INTS6: variants seen among roughly 807,000 people sequenced by gnomAD.
The protein encoded by INTS6 is integrator complex subunit 6, also known as DEAD box protein.
Under a neutral mutation model 104.9 loss-of-function variants are expected in INTS6, and 16 were observed. The observed-to-expected ratio is 0.15, with a 90% confidence interval of 0.10 to 0.23. The LOEUF (loss-of-function observed/expected upper bound fraction) is 0.23. Among genes scored for constraint, INTS6 ranks in the 10% least tolerant of loss-of-function variants. The probability of loss-of-function intolerance (pLI) is 1.00; values close to 1 mark genes in which losing one functional copy is unlikely to be tolerated. For missense variants in INTS6, 584 were observed against 1,062.8 expected (o/e 0.55, Z 6.26); for synonymous variants, 324 against 358.7 (o/e 0.90, Z 1.09).
At chr13:51,450,638 T>C in intron 3 of INTS6, 1 of 987,652 alleles carries the variant, frequency 1.0e-6, no homozygotes, top group South Asian at 4.7e-5. Flanking sequence ...TCCTCTAACA[T>C]CTTTACTAAT....
chr13:51,388,368 G>GTGTTTT (rs1344133694), intron 6 of INTS6, among the ~76,000 whole-genome samples: 4 of 148,488 alleles, frequency 2.7e-5, no homozygotes, highest in African/African-American at 4.9e-5. Context: ...GTGTGTGTGT[G>GTGTTTT]TTTTGTTTTT....
intron 5 of INTS6, among the ~76,000 whole-genome samples, chr13:51,392,359 T>A (rs1956258853): frequency 6.6e-6 from 1 of 152,230 alleles, no homozygotes; most frequent in Admixed American, 6.5e-5. Context: ...CCAGCCTTCC[T>A]GTTGCTTCCA....
At chr13:51,400,530 G>T (rs1235871567) in intron 4 of INTS6, among the ~76,000 whole-genome samples, 1 of 152,086 alleles carries the variant, frequency 6.6e-6, no homozygotes, top group Non-Finnish European at 1.5e-5. Context: ...TTTCCCAAAT[G>T]GATATCCAAT....
intron 3 of INTS6, chr13:51,446,386 T>G (rs926817245): frequency 1.3e-5 from 2 of 152,126 alleles, no homozygotes; most frequent in African/African-American, 4.8e-5. Context: ...GGATGGCTAA[T>G]GTCAAAGTAA....
In INTS6 at chr13:51,430,311, T is replaced by C. The variant is rs1232618816; in HGVS notation, c.412A>G (p.Ser138Gly). ...CAACTTACCTCATCCTGGACTCCACTGGTGGTAGTCAACTTGCTCCCATCA... is the reference window on the plus strand; with the variant it reads ...CAACTTACCTCATCCTGGACTCCACCGGTGGTAGTCAACTTGCTCCCATCA... ...ITDGSKLTTT[S>G]GVQDELHLPL... is the part of the protein sequence containing the mutation. The change falls in exon 4 of 18, where the codon AGT (serine) becomes GGT (glycine). Residue 138 changes from serine to glycine, a missense_variant. Coordinates refer to ENST00000311234, the MANE Select transcript of INTS6 (RefSeq NM_012141.3). 3 of 1,613,056 alleles carry C rather than the reference T, an allele frequency of 1.9e-6. No individual in the cohort carries two copies. Among genetic ancestry groups the C allele is most frequent in the East Asian group, 2.2e-5 (1 of 44,840 alleles).
At chr13:51,350,509 A>ATATATATATATATTTTAAGAAG (rs1955394037), downstream of INTS6, among the ~76,000 whole-genome samples, 1 of 152,176 alleles carries the variant, frequency 6.6e-6, no homozygotes, top group Non-Finnish European at 1.5e-5. Flanking sequence ...TATTAGATAT[A>ATATATATATATATTTTAAGAAG]ATATATATCT....
chr13:51,365,802 C>T lies in INTS6; in HGVS notation c.2614G>A (p.Asp872Asn). ...MLIEQLENFL[D>N]EIHRRANQIN... ...TGATTGGCTCTTCGATGAATTTCAT[C>T]CAAGAAGTTCTCCAGTTGTTCTATT... is the stretch of plus-strand genomic sequence containing the variant. The change falls in exon 18 of 18, where the codon GAT becomes AAT. Residue 872 changes from aspartate (D) to asparagine (N), a missense_variant. Asp to Asn is a conservative substitution (Grantham distance 23, BLOSUM62 1). This residue lies in a region of INTS6 where 296 missense variants were observed against 437.0 expected (regional missense o/e 0.68). Coordinates refer to ENST00000311234, the MANE Select transcript of INTS6 (RefSeq NM_012141.3). The T allele has an allele frequency of 6.2e-7, 1 of 1,602,440 alleles. No homozygotes were observed. The highest frequency in any genetic ancestry group is 8.5e-7 in the Non-Finnish European group (1 of 1,174,744).
At chr13:51,405,885 A>G (rs936363481) in intron 4 of INTS6, among the ~76,000 whole-genome samples, 6 of 152,218 alleles carry the variant, frequency 3.9e-5, no homozygotes, top group African/African-American at 1.2e-4. Context: ...TGTTGTTTTA[A>G]GTCACTAAGT....
intron 4 of INTS6, among the ~76,000 whole-genome samples, chr13:51,404,185 G>C (rs2138004267): frequency 6.6e-6 from 1 of 151,194 alleles, no homozygotes; most frequent in African/African-American, 2.4e-5. Flanking sequence ...GCAGCAGGGG[G>C]ATAGCTTGAG....
chr13:51,383,019 T>G (rs1015951359), intron 9 of INTS6, among the ~76,000 whole-genome samples: 1 of 152,118 alleles, frequency 6.6e-6, no homozygotes, highest in African/African-American at 2.4e-5. Flanking sequence ...AGACGGAGGT[T>G]GCAGTGAGCT....
intron 5 of INTS6, among the ~76,000 whole-genome samples, chr13:51,390,962 A>C (rs2137950638): frequency 1.3e-5 from 2 of 152,266 alleles, no homozygotes; most frequent in Middle Eastern, 6.8e-3. Context: ...TTTCCAAGTT[A>C]GTATAGTGAT....
At chr13:51,344,541 G>A in the INTS6 span, 1 of 1,385,432 alleles carries the variant, frequency 7.2e-7, no homozygotes, top group Non-Finnish European at 1.0e-6. Context: ...CAGAGACAGA[G>A]TCTCACCCAT....
intron 4 of INTS6, among the ~76,000 whole-genome samples, chr13:51,422,732 C>T (rs1400997021): frequency 6.6e-6 from 1 of 152,166 alleles, no homozygotes; most frequent in Non-Finnish European, 1.5e-5. Context: ...CCTGCAAATG[C>T]TAACAGAATG....
At position 51,374,678 on chromosome 13, in the gene INTS6, G is replaced by A; in HGVS notation, c.1848C>T (p.Gly616=). Residue 616 remains glycine, a synonymous_variant, in exon 14 of 18, where the codon GGC becomes GGT. Transcript: ENST00000311234. ...CCTTCTTATCCAGCTTAAAGGGGTT[G>A]CCAAATGTATGCAACCTTCGTGGCT... ...PDQPRRLHTF[G]NPFKLDKKGM... is the part of the protein sequence containing the mutation. 1.2e-6 allele frequency: 2 copies of A among 1,613,204 alleles called. No homozygotes were observed. Among genetic ancestry groups the A allele is most frequent in the Non-Finnish European group, 1.7e-6 (2 of 1,179,940 alleles).
the INTS6 span, among the ~76,000 whole-genome samples, chr13:51,342,001 G>C: frequency 2.0e-5 from 3 of 152,088 alleles, no homozygotes; most frequent in Non-Finnish European, 4.4e-5. Flanking sequence ...GAGCGGCTTT[G>C]CCGGCAGCAG....
At chr13:51,416,231 A>G (rs1956783914) in intron 4 of INTS6, among the ~76,000 whole-genome samples, 1 of 152,214 alleles carries the variant, frequency 6.6e-6, no homozygotes, top group African/African-American at 2.4e-5. Context: ...AGAGGAAAAT[A>G]GTGTGGGTGT....
chr13:51,389,514 T>A, intron 5 of INTS6, 70 bp from the exon 6 acceptor site: 2 of 1,378,286 alleles, frequency 1.5e-6, no homozygotes, highest in Non-Finnish European at 1.9e-6. Context: ...AGAATTCCTA[T>A]CATTAGCAAG....
chr13:51,452,382 C>T lies in INTS6; in HGVS notation c.111+33G>A, dbSNP rs747272926. On this transcript the variant is annotated intron_variant, in intron 1 of 17. Transcript: ENST00000311234. The surrounding 1 kb of genome is among the most constrained non-coding windows in gnomAD (Gnocchi z 4.2). ...CCCTGCCGCCCGCGGGCCGCCGGGC[C>T]GGGGTCGCCGCCCGGGCTCGGTCAG... 2 of 1,526,040 alleles carry T rather than the reference C, an allele frequency of 1.3e-6. No individual in the cohort carries two copies. Among genetic ancestry groups the T allele is most frequent in the African/African-American group, 1.4e-5 (1 of 69,216 alleles). The allele number at this position is 1,526,040 out of a possible 1,614,324, so 94.5% of individuals were successfully genotyped here.
chr13:51,428,481 C>T (rs185126953), intron 4 of INTS6, among the ~76,000 whole-genome samples: 290 of 151,902 alleles, frequency 1.9e-3, no homozygotes, highest in African/African-American at 6.2e-3. Context: ...TGCGCCACCA[C>T]GCCCAGCTAA....
Sources: allele counts gnomAD v4.1 joint callset (sites outside exome capture counted in the v4.1 genomes callset), GRCh38; gene constraint gnomAD v4.1.1; regional missense constraint gnomAD v4.1.1; non-coding constraint Gnocchi (gnomAD v3.1); transcripts MANE v1.5; gene names NCBI Gene and HGNC (gene_info 2026-07-23, HGNC 2026-07-21).